STK32B: variants seen among roughly 807,000 people sequenced by gnomAD.
The protein encoded by STK32B is serine/threonine-protein kinase 32B.
In STK32B, 43 loss-of-function variants were observed where a neutral mutation model predicts 52.6. That is an observed-to-expected ratio of 0.82 (90% CI 0.64 to 1.05). The LOEUF is 1.05. Among genes scored for constraint, STK32B ranks in the 50% least tolerant of loss-of-function variants. The pLI is 0.00. For missense variants in STK32B, 621 were observed against 534.6 expected, an observed-to-expected ratio of 1.16 and a Z score of -1.59; for synonymous variants, 238 against 204.3, an observed-to-expected ratio of 1.17 and a Z score of -1.41.
At chr4:5,429,698 T>G (rs1713404420) in intron 6 of STK32B, among the ~76,000 whole-genome samples, 1 of 152,182 alleles carries the variant, frequency 6.6e-6, no homozygotes, top group Admixed American at 6.5e-5. Flanking sequence ...TTCTAGCTGT[T>G]ATTATATTCA....
At chr4:5,020,814 G>A in the STK32B span, among the ~76,000 whole-genome samples, 1 of 152,182 alleles carries the variant, frequency 6.6e-6, no homozygotes, top group Non-Finnish European at 1.5e-5. Flanking sequence ...CATTGGGAAC[G>A]CTATGACCCT....
Position 5,151,329 on chromosome 4 carries a change from G to C in STK32B, c.108+11369G>C, listed in dbSNP as rs1229343565. ...CATGACTATTATTAAAGTTAAGGTG[G>C]AGGGAGGCTGGCATAAGATGAAGAA... is the stretch of plus-strand genomic sequence containing the variant. On this transcript the variant is annotated intron_variant, in intron 2 of 11. Coordinates refer to ENST00000282908, the MANE Select transcript of STK32B (RefSeq NM_018401.3). 2.0e-5 allele frequency among the ~76,000 whole-genome samples: 3 copies of C among 152,204 alleles called. No individual in the cohort carries two copies. The East Asian group carries it at 5.8e-4, about 29-fold the overall frequency.
intron 2 of STK32B, among the ~76,000 whole-genome samples, chr4:5,154,540 C>G (rs1164561525): frequency 6.6e-6 from 1 of 152,186 alleles, no homozygotes; most frequent in Non-Finnish European, 1.5e-5. Context: ...TTGAAGCCAG[C>G]ATGGCTAGGA....
In STK32B at chr4:5,380,134, T is replaced by C. The variant is rs1577419253; in HGVS notation, c.435-18073T>C. Among the ~76,000 whole-genome samples the C allele has an allele frequency of 5.3e-5, 8 of 152,268 alleles. No homozygotes were observed. The South Asian group carries it at 1.7e-3, about 32-fold the overall frequency. ...TCAGGGGCAATTTGAATATGTTTATTATTCTGGTGAAGCCGCTCCTAACCA... is the reference window on the plus strand; with the variant it reads ...TCAGGGGCAATTTGAATATGTTTATCATTCTGGTGAAGCCGCTCCTAACCA... On this transcript the variant is annotated intron_variant, in intron 4 of 11. Coordinates refer to ENST00000282908, the MANE Select transcript of STK32B (RefSeq NM_018401.3). This position sits in a 1 kb window ranked among gnomAD's most constrained non-coding sequence, Gnocchi z 4.3.
intron 2 of STK32B, among the ~76,000 whole-genome samples, chr4:5,160,208 C>A (rs147053580): frequency 6.6e-6 from 1 of 152,168 alleles, no homozygotes; most frequent in African/African-American, 2.4e-5. Flanking sequence ...CTTCTTGGGC[C>A]GCTTTGCACA....
chr4:5,420,963 G>A (rs1712591779), intron 6 of STK32B, among the ~76,000 whole-genome samples: 1 of 152,174 alleles, frequency 6.6e-6, no homozygotes, highest in African/African-American at 2.4e-5. Flanking sequence ...ATAATGGCAT[G>A]ATCTTGGCTC....
At chr4:5,102,200 T>G (rs1007427820) in intron 1 of STK32B, among the ~76,000 whole-genome samples, 1 of 152,184 alleles carries the variant, frequency 6.6e-6, no homozygotes, top group Non-Finnish European at 1.5e-5. Flanking sequence ...ATTTGTAAAA[T>G]GCAGGTAGTT....
At chr4:5,113,819 C>T (rs1438306726) in intron 1 of STK32B, among the ~76,000 whole-genome samples, 1 of 152,204 alleles carries the variant, frequency 6.6e-6, no homozygotes, top group Non-Finnish European at 1.5e-5. Flanking sequence ...TACAGTTCCA[C>T]ATGGCCGGGG....
the STK32B span, among the ~76,000 whole-genome samples, chr4:5,031,187 A>G: frequency 6.6e-6 from 1 of 152,156 alleles, no homozygotes; most frequent in Non-Finnish European, 1.5e-5. Context: ...TTTAAAATGT[A>G]CTGATTTAAA....
At chr4:5,347,880 A>G (rs1733571499) in intron 4 of STK32B, among the ~76,000 whole-genome samples, 1 of 152,232 alleles carries the variant, frequency 6.6e-6, no homozygotes, top group Non-Finnish European at 1.5e-5. Flanking sequence ...CTCCCCAGCC[A>G]TGCAGAACTA....
chr4:5,177,644 C>G (rs1720019891), intron 3 of STK32B, among the ~76,000 whole-genome samples: 1 of 152,176 alleles, frequency 6.6e-6, no homozygotes, highest in Non-Finnish European at 1.5e-5. Context: ...CCTGTAAAAT[C>G]AAAAGCAAGT....
intron 3 of STK32B, among the ~76,000 whole-genome samples, chr4:5,233,789 C>T (rs920046610): frequency 4.0e-5 from 6 of 150,938 alleles, no homozygotes; most frequent in African/African-American, 1.5e-4. Flanking sequence ...GAGGTGAGGT[C>T]CATGGAAACA....
chr4:5,100,251 G>C (rs1288335802), intron 1 of STK32B, among the ~76,000 whole-genome samples: 1 of 152,152 alleles, frequency 6.6e-6, no homozygotes, highest in Admixed American at 6.5e-5. Flanking sequence ...GATCAAGAGA[G>C]GGTGGCCACT....
At position 5,396,517 on chromosome 4, in the gene STK32B, T is replaced by A. The variant is rs892994181; in HGVS notation, c.435-1690T>A. Among the ~76,000 whole-genome samples, 1 of 152,176 alleles carries A rather than the reference T, an allele frequency of 6.6e-6. No individual in the cohort carries two copies. The highest frequency in any genetic ancestry group is 2.4e-5 in the African/African-American group (1 of 41,448). On this transcript the variant is annotated intron_variant, in intron 4 of 11. Transcript: ENST00000282908. This position sits in a 1 kb window ranked among gnomAD's most constrained non-coding sequence, Gnocchi z 4.7. ...TTTGAAGGGACACCATTCAACCCAGTACGCCAGATCACATCTTCTTGGGTC... is the reference window on the plus strand; with the variant it reads ...TTTGAAGGGACACCATTCAACCCAGAACGCCAGATCACATCTTCTTGGGTC...
At chr4:5,411,030 C>A (rs1680205105) in intron 5 of STK32B, among the ~76,000 whole-genome samples, 1 of 151,674 alleles carries the variant, frequency 6.6e-6, no homozygotes, top group East Asian at 1.9e-4. Context: ...CTCCTAAAGG[C>A]CCCATCTCTT....
rs190327266 is a variant in STK32B at position 5,394,584 on chromosome 4, A to G, written c.435-3623A>G. Among the ~76,000 whole-genome samples the G allele has an allele frequency of 2.6e-5, 4 of 152,356 alleles. No individual in the cohort carries two copies. The highest frequency in any genetic ancestry group is 2.6e-4 in the Admixed American group (4 of 15,310). ...TCCTGTGAAAGAGACCTAATTTGCT[A>G]AAGGCTCAAGAATCTGCCAGTCTGC... On this transcript the variant is annotated intron_variant, in intron 4 of 11. Transcript: ENST00000282908. The surrounding 1 kb of genome is among the most constrained non-coding windows in gnomAD (Gnocchi z 4.2).
intron 3 of STK32B, among the ~76,000 whole-genome samples, chr4:5,253,905 C>T (rs935535908): frequency 6.6e-6 from 1 of 152,146 alleles, no homozygotes; most frequent in African/African-American, 2.4e-5. Context: ...AGGCAACAGG[C>T]CCCAGACTAG....
chr4:5,369,491 G>A (rs1419384089), intron 4 of STK32B, among the ~76,000 whole-genome samples: 2 of 152,050 alleles, frequency 1.3e-5, no homozygotes, highest in African/African-American at 2.4e-5. Context: ...ATGCAGCCAG[G>A]GGACAGAATG....
At position 5,460,177 on chromosome 4, in the gene STK32B, G is replaced by C. The variant is rs778195141; in HGVS notation, c.858G>C (p.Met286Ile). The C allele has an allele frequency of 1.2e-6, 2 of 1,614,168 alleles. No individual in the cohort carries two copies. Among genetic ancestry groups the C allele is most frequent in the South Asian group, 2.2e-5 (2 of 91,070 alleles). Residue 286 changes from methionine to isoleucine, a missense_variant, in exon 9 of 12, where the codon ATG (methionine) becomes ATC (isoleucine). Met to Ile is a conservative substitution (Grantham distance 10, BLOSUM62 1). Transcript: ENST00000282908. This position sits in a 1 kb window ranked among gnomAD's most constrained non-coding sequence, Gnocchi z 4.8. The part of the protein sequence containing the change: ...DIQSVPYLAD[M>I]NWDAVFKKAL... ...AGAGCGTGCCCTACTTGGCCGACAT[G>C]AACTGGGACGCGGTGTTCAAGAAGG...
Sources: gnomAD v4.1 joint callset for allele counts (sites outside exome capture counted in the v4.1 genomes callset) on GRCh38, gnomAD v4.1.1 for gene constraint, Gnocchi (gnomAD v3.1) non-coding constraint, MANE v1.5 for transcripts, NCBI Gene and HGNC (gene_info 2026-07-23, HGNC 2026-07-21) for gene names.